The following TRAPPC9 variants were observed in gnomAD, a reference collection of about 807,000 sequenced individuals.
TRAPPC9 encodes the protein trafficking protein particle complex subunit 9, also known as IKK2 binding protein.
Under a neutral mutation model 124.0 loss-of-function variants are expected in TRAPPC9, and 83 were observed. The ratio of observed to expected loss-of-function variants is 0.67; its 90% CI spans 0.56 to 0.80. TRAPPC9 has a LOEUF of 0.80. Ranked by LOEUF, TRAPPC9 falls within the 30% of genes least tolerant of loss-of-function variation. The probability of loss-of-function intolerance (pLI) is 0.00; values close to 1 mark genes in which losing one functional copy is unlikely to be tolerated. For synonymous variants in TRAPPC9, 638 were observed against 617.5 expected (o/e 1.03, Z -0.49); for missense variants, 1,302 against 1,508.3 (o/e 0.86, Z 2.27).
intron 6 of TRAPPC9, among the ~76,000 whole-genome samples, chr8:140,402,432 G>A (rs998755478): frequency 2.0e-5 from 3 of 147,810 alleles, no homozygotes; most frequent in Non-Finnish European, 4.5e-5. Context: ...AGTGGCTCAC[G>A]CCTGTAACCC....
chr8:140,101,170 C>G (rs2060571473), intron 17 of TRAPPC9, among the ~76,000 whole-genome samples: 1 of 152,248 alleles, frequency 6.6e-6, no homozygotes, highest in Non-Finnish European at 1.5e-5. Flanking sequence ...GACGGAGTCT[C>G]GCTCTGTCAC....
chr8:140,246,910 G>A (rs777095683), intron 16 of TRAPPC9, among the ~76,000 whole-genome samples: 12 of 152,096 alleles, frequency 7.9e-5, no homozygotes, highest in East Asian at 3.9e-4. Context: ...ACTTGAACCC[G>A]GGAAGAGGAG....
chr8:139,827,877 G>C (rs55795700), intron 21 of TRAPPC9, among the ~76,000 whole-genome samples: 16,422 of 152,258 alleles, frequency 0.11, 934 homozygotes, highest in South Asian at 0.13. Context: ...ACTCATGGCA[G>C]AAGGCAAAGT....
In TRAPPC9 at chr8:140,442,701, T is replaced by C. The variant is rs183897217; in HGVS notation, c.585-3504A>G. 5.1e-4 allele frequency among the ~76,000 whole-genome samples: 77 copies of C among 152,162 alleles called. 1 individual carries two copies. Among genetic ancestry groups the C allele is most frequent in the Admixed American group, 7.2e-4 (11 of 15,262 alleles). On this transcript the variant is annotated intron_variant, in intron 2 of 22. Transcript: ENST00000438773. ...TTGGTATTCTAGTCCAAAAAACAATTTATCTGGCAAATAAATTTCTACATT... is the reference window on the plus strand; with the variant it reads ...TTGGTATTCTAGTCCAAAAAACAATCTATCTGGCAAATAAATTTCTACATT...
At chr8:140,000,634 C>G (rs1461632499) in intron 18 of TRAPPC9, among the ~76,000 whole-genome samples, 4 of 152,220 alleles carry the variant, frequency 2.6e-5, no homozygotes, top group African/African-American at 9.6e-5. Context: ...ATGAAAAATG[C>G]TCACCATCAC....
intron 19 of TRAPPC9, among the ~76,000 whole-genome samples, chr8:139,948,262 CACACACACACACACACA>C (rs1320839411): frequency 1.8e-5 from 1 of 56,604 alleles, no homozygotes; most frequent in East Asian, 4.5e-4. Context: ...CACACACACA[CACACACACACACACACA>C]CACACACACA....
At chr8:139,938,410 G>A (rs900803096) in intron 19 of TRAPPC9, among the ~76,000 whole-genome samples, 44 of 151,752 alleles carry the variant, frequency 2.9e-4, no homozygotes, top group African/African-American at 9.7e-4. Flanking sequence ...TCAGCCTCCC[G>A]AGTAGCTGGG....
intron 18 of TRAPPC9, among the ~76,000 whole-genome samples, chr8:139,990,285 G>C (rs547936779): frequency 4.9e-4 from 75 of 152,336 alleles, no homozygotes; most frequent in Middle Eastern, 3.4e-3. Context: ...GGACAGCCAT[G>C]CTGCTGTGAT....
chr8:139,978,839 G>C (rs1032807264), intron 19 of TRAPPC9, among the ~76,000 whole-genome samples: 1 of 152,226 alleles, frequency 6.6e-6, no homozygotes, highest in Admixed American at 6.5e-5. Context: ...AAGGCAGGCC[G>C]AGGTCCCAGA....
chr8:139,740,817 C>T (rs79011198), intron 21 of TRAPPC9, among the ~76,000 whole-genome samples: 1,923 of 152,332 alleles, frequency 0.013, 33 homozygotes, highest in African/African-American at 0.043. Context: ...TGTCGTGACC[C>T]GTGCAGGACT....
At chr8:139,866,769 T>G (rs1459052342) in intron 21 of TRAPPC9, among the ~76,000 whole-genome samples, 1 of 152,136 alleles carries the variant, frequency 6.6e-6, no homozygotes, top group Non-Finnish European at 1.5e-5. Context: ...TGAGGCTGTG[T>G]GTGTGTGTGT....
At chr8:140,458,354 A>G, upstream of TRAPPC9, 2 of 1,589,970 alleles carry the variant, frequency 1.3e-6, no homozygotes, top group African/African-American at 1.4e-5. Context: ...GCGGAAGCCC[A>G]CTGTGGATCC....
intron 17 of TRAPPC9, among the ~76,000 whole-genome samples, chr8:140,187,317 G>A (rs114154574): frequency 1.3e-3 from 193 of 152,246 alleles, no homozygotes; most frequent in African/African-American, 4.4e-3. Context: ...CTAGACCAAG[G>A]GACAACTGTA....
chr8:140,042,666 C>A (rs534898210), intron 17 of TRAPPC9, among the ~76,000 whole-genome samples: 1 of 152,220 alleles, frequency 6.6e-6, no homozygotes, highest in Non-Finnish European at 1.5e-5. Context: ...CCTGGGCCCA[C>A]GCCCTCTGCA....
rs181655133 is a variant in TRAPPC9 at position 140,383,030 on chromosome 8, G to A, written c.1135-11850C>T. Among the ~76,000 whole-genome samples, 483 of 152,332 alleles carry A rather than the reference G, an allele frequency of 3.2e-3. 2 individuals are homozygous for A. The highest frequency in any genetic ancestry group is 0.011 in the African/African-American group (461 of 41,576). On this transcript the variant is annotated intron_variant, in intron 7 of 22. Coordinates refer to ENST00000438773, the MANE Select transcript of TRAPPC9 (RefSeq NM_001160372.4). Reference sequence around the variant, plus strand: ...CAATATTAGCTGTTCTGCAGCCTCCGCTGCTGATACCCAGGCAAACAGGGT... The same window carrying A: ...CAATATTAGCTGTTCTGCAGCCTCCACTGCTGATACCCAGGCAAACAGGGT...
chr8:139,756,583 C>A (rs1303840787), intron 21 of TRAPPC9, among the ~76,000 whole-genome samples: 569 of 36,706 alleles, frequency 0.016, no homozygotes, highest in Admixed American at 0.032. Context: ...AGGAGGAGCC[C>A]GGGATGGGGT....
At chr8:140,156,163 C>T (rs552016904) in intron 17 of TRAPPC9, among the ~76,000 whole-genome samples, 163 of 152,302 alleles carry the variant, frequency 1.1e-3, no homozygotes, top group Non-Finnish European at 1.6e-3. Context: ...GGCTACCATC[C>T]GCATGCTCAA....
At chr8:139,744,111 C>T (rs973353815) in intron 21 of TRAPPC9, among the ~76,000 whole-genome samples, 1 of 152,260 alleles carries the variant, frequency 6.6e-6, no homozygotes. Flanking sequence ...TCCTGCACAA[C>T]TGCTCTTCCA....
At chr8:140,072,526 AAGGAGG>A (rs1232378174) in intron 17 of TRAPPC9, among the ~76,000 whole-genome samples, 3 of 137,896 alleles carry the variant, frequency 2.2e-5, no homozygotes, top group Non-Finnish European at 3.2e-5. Flanking sequence ...TCAAAAAAAA[AAGGAGG>A]AGGAGGAGGA....
Sources: gnomAD v4.1 joint callset for allele counts (sites outside exome capture counted in the v4.1 genomes callset) on GRCh38, gnomAD v4.1.1 for gene constraint, MANE v1.5 for transcripts, NCBI Gene and HGNC (gene_info 2026-07-23, HGNC 2026-07-21) for gene names.